Variants in SORL1-AS1 observed in about 807,000 individuals in gnomAD.
SORL1-AS1 encodes the protein lncRNA 51 A.
chr11:121,444,159 A>G (rs12292461), downstream of SORL1-AS1, among the ~76,000 whole-genome samples: 3,374 of 152,186 alleles, frequency 0.022, 121 homozygotes, highest in African/African-American at 0.077. Context: ...TAATTTATAA[A>G]AACTAATCTC....
At chr11:121,451,542 C>T (rs982715126) in intron 1 of SORL1-AS1, among the ~76,000 whole-genome samples, 1 of 152,238 alleles carries the variant, frequency 6.6e-6, no homozygotes, top group African/African-American at 2.4e-5. Flanking sequence ...TGCAAGCACA[C>T]CCTGTATAGC....
chr11:121,452,238 C>T lies in SORL1-AS1; in HGVS notation n.339+437G>A. 4 of 1,048,302 alleles carry T rather than the reference C, an allele frequency of 3.8e-6. No individual in the cohort carries two copies. The highest frequency in any genetic ancestry group is 4.9e-6 in the Non-Finnish European group (4 of 816,594). The allele number at this position is 1,048,302 out of a possible 1,614,324, so 64.9% of individuals were successfully genotyped here. A position where few individuals can be genotyped will look rare whatever the true frequency, so the allele number is the denominator to read the frequency against. ...CGCGGGCGGCCTGGAGCCCCGGGAG[C>T]GGCGCGCGCGGTCCCGGCCCAGCGG... is the stretch of plus-strand genomic sequence containing the variant. On this transcript the variant is annotated intron_variant and non_coding_transcript_variant, in intron 1 of 1. Coordinates refer to ENST00000501964, the Ensembl canonical transcript of SORL1-AS1. This position sits in a 1 kb window ranked among gnomAD's most constrained non-coding sequence, Gnocchi z 5.3.
exon 2 of SORL1-AS1, chr11:121,447,514 C>G (rs1860740051): frequency 6.6e-6 from 1 of 151,842 alleles, no homozygotes; most frequent in Non-Finnish European, 1.5e-5. Context: ...GGTTTCGACA[C>G]ATTGCCCAGG....
the SORL1-AS1 span, among the ~76,000 whole-genome samples, chr11:121,438,955 G>A: frequency 6.6e-6 from 1 of 152,226 alleles, no homozygotes. Flanking sequence ...GAACCCGGGA[G>A]GCAGAGGTTG....
exon 2 of SORL1-AS1, chr11:121,449,891 A>T (rs1860768070): frequency 6.6e-6 from 1 of 152,204 alleles, no homozygotes; most frequent in South Asian, 2.1e-4. Context: ...GGGGTTGCTG[A>T]TTATCTACCT....
chr11:121,448,302 A>T (rs1298688877), exon 2 of SORL1-AS1: 1 of 152,226 alleles, frequency 6.6e-6, no homozygotes, highest in Non-Finnish European at 1.5e-5. Context: ...GTGCATTTGT[A>T]TTTTAAACCT....
Position 121,452,567 on chromosome 11 carries a change from G to A in SORL1-AS1, n.339+108C>T. On this transcript the variant is annotated intron_variant and non_coding_transcript_variant, in intron 1 of 1. Coordinates refer to ENST00000501964, the Ensembl canonical transcript of SORL1-AS1. This position sits in a 1 kb window ranked among gnomAD's most constrained non-coding sequence, Gnocchi z 5.3. The stretch of plus-strand genomic sequence containing the variant: ...CGCGCGGACGAGAAGCCGCTCCGGA[G>A]GAAACGGAGCGCTGCCCTGCAGCCC... 1 of 1,519,340 alleles carries A rather than the reference G, an allele frequency of 6.6e-7. No individual in the cohort carries two copies. The highest frequency in any genetic ancestry group is 8.8e-7 in the Non-Finnish European group (1 of 1,141,288). 94.1% of individuals were successfully genotyped at this position (1,519,340 alleles called of 1,614,324 possible).
the SORL1-AS1 span, among the ~76,000 whole-genome samples, chr11:121,438,803 G>A: frequency 2.0e-5 from 3 of 152,172 alleles, no homozygotes; most frequent in Admixed American, 6.5e-5. Flanking sequence ...CGAGGCAGGC[G>A]GATCACAAGG....
chr11:121,441,530 C>CAAAAAAAAAAAAAAAAAAAA, the SORL1-AS1 span, among the ~76,000 whole-genome samples: 44 of 52,350 alleles, frequency 8.4e-4, 1 homozygote, highest in African/African-American at 1.1e-3. Flanking sequence ...GACTCTGTCT[C>CAAAAAAAAAAAAAAAAAAAA]AAAAAAAAAA....
At chr11:121,450,000 T>A (rs1028359215) in intron 1 of SORL1-AS1, 2 of 152,236 alleles carry the variant, frequency 1.3e-5, no homozygotes, top group African/African-American at 4.8e-5. Context: ...AGCATTCAAG[T>A]TGCAAATCAA....
At chr11:121,442,187 C>T in the SORL1-AS1 span, among the ~76,000 whole-genome samples, 3 of 152,312 alleles carry the variant, frequency 2.0e-5, no homozygotes, top group Non-Finnish European at 4.4e-5. Context: ...TAGGAAGTCT[C>T]TCAGCTCTTT....
intron 1 of SORL1-AS1, among the ~76,000 whole-genome samples, chr11:121,451,314 G>A (rs934225820): frequency 2.0e-5 from 3 of 152,228 alleles, no homozygotes; most frequent in Non-Finnish European, 2.9e-5. Context: ...TATCTCCTGT[G>A]GTTCAGAGAG....
exon 2 of SORL1-AS1, chr11:121,447,943 C>T (rs1860744001): frequency 6.6e-6 from 1 of 152,200 alleles, no homozygotes; most frequent in Non-Finnish European, 1.5e-5. Flanking sequence ...AATACCAGCT[C>T]TTCTCTTCCT....
chr11:121,452,376 A>G lies in SORL1-AS1; in HGVS notation n.339+299T>C, dbSNP rs764189310. 14 of 1,553,600 alleles carry G rather than the reference A, an allele frequency of 9.0e-6. No individual in the cohort carries two copies. The East Asian group carries it at 3.4e-4, about 37-fold the overall frequency. ...GGAGGGAGTCGCGACTCCCGTTCCT[A>G]TTCACCCTGGTCGCACTGCTGCCGC... On this transcript the variant is annotated intron_variant and non_coding_transcript_variant, in intron 1 of 1. Transcript: ENST00000501964. This position sits in a 1 kb window ranked among gnomAD's most constrained non-coding sequence, Gnocchi z 5.3.
At chr11:121,446,248 C>T (rs1860723654), downstream of SORL1-AS1, among the ~76,000 whole-genome samples, 1 of 152,124 alleles carries the variant, frequency 6.6e-6, no homozygotes, top group African/African-American at 2.4e-5. Context: ...GTACCAAAAT[C>T]GTTGTTCTAA....
downstream of SORL1-AS1, among the ~76,000 whole-genome samples, chr11:121,444,228 A>G (rs770726879): frequency 6.6e-6 from 1 of 152,240 alleles, no homozygotes; most frequent in African/African-American, 2.4e-5. Context: ...ACAAACCTGA[A>G]TAAAAACCCA....
chr11:121,439,428 C>CT, the SORL1-AS1 span, among the ~76,000 whole-genome samples: 1 of 151,504 alleles, frequency 6.6e-6, no homozygotes, highest in Non-Finnish European at 1.5e-5. Context: ...ATTGATTGTC[C>CT]TTTTATTACT....
chr11:121,440,097 G>T, the SORL1-AS1 span, among the ~76,000 whole-genome samples: 15 of 152,338 alleles, frequency 9.8e-5, no homozygotes, highest in South Asian at 3.1e-3. Flanking sequence ...CCCAGGGTGG[G>T]CATGGTGGCT....
chr11:121,444,628 GA>G (rs1860702181), downstream of SORL1-AS1, among the ~76,000 whole-genome samples: 1 of 152,212 alleles, frequency 6.6e-6, no homozygotes, highest in Non-Finnish European at 1.5e-5. Context: ...TGAGGTGGAA[GA>G]GGGGTGGAAG....
Sources: allele counts gnomAD v4.1 joint callset (sites outside exome capture counted in the v4.1 genomes callset), GRCh38; gene constraint gnomAD v4.1.1; non-coding constraint Gnocchi (gnomAD v3.1); transcripts MANE v1.5; gene names NCBI Gene and HGNC (gene_info 2026-07-23, HGNC 2026-07-21).